UNC5D: variants seen among roughly 807,000 people sequenced by gnomAD.
UNC5D encodes unc-5 netrin receptor D, also known as netrin receptor UNC5D.
UNC5D carries 39 observed loss-of-function variants against 105.4 expected under a neutral mutation model. The observed-to-expected ratio is 0.37, with a 90% CI of 0.29 to 0.48. The LOEUF is 0.48. UNC5D is among the 20% of genes least tolerant of loss of function. The pLI is 0.98. For synonymous variants in UNC5D, 452 were observed against 450.4 expected (o/e 1.00, Z -0.04); for missense variants, 991 against 1,202.4 (o/e 0.82, Z 2.60).
intron 1 of UNC5D, among the ~76,000 whole-genome samples, chr8:35,422,740 G>T (rs2128967541): frequency 6.6e-6 from 1 of 152,310 alleles, no homozygotes. Context: ...CTATGTGCCA[G>T]GTAGTAGGGA....
intron 3 of UNC5D, among the ~76,000 whole-genome samples, chr8:35,574,315 T>A (rs1817949974): frequency 6.6e-6 from 1 of 152,202 alleles, no homozygotes; most frequent in Non-Finnish European, 1.5e-5. Flanking sequence ...TAGTCAAGCC[T>A]GTTATAGCAA....
intron 4 of UNC5D, among the ~76,000 whole-genome samples, chr8:35,613,605 C>T (rs1174002499): frequency 6.6e-6 from 1 of 152,108 alleles, no homozygotes; most frequent in Non-Finnish European, 1.5e-5. Flanking sequence ...CGCCTGTAAT[C>T]CCAGCACTTT....
intron 4 of UNC5D, among the ~76,000 whole-genome samples, chr8:35,662,540 G>A (rs933335702): frequency 3.3e-5 from 5 of 152,140 alleles, no homozygotes; most frequent in Admixed American, 2.6e-4. Context: ...GGAAAGGGTC[G>A]TACAGTTCCA....
chr8:35,268,975 G>T (rs532696530), intron 1 of UNC5D, among the ~76,000 whole-genome samples: 1 of 152,202 alleles, frequency 6.6e-6, no homozygotes. Flanking sequence ...GATGAACCAC[G>T]AATTCATGAA....
rs562538550 is a variant in UNC5D, at chr8:35,623,928, A to G, written c.570+28271A>G. Among the ~76,000 whole-genome samples, 19 of 152,168 alleles carry G rather than the reference A, an allele frequency of 1.2e-4. No homozygotes were observed. In the South Asian group the frequency reaches 3.7e-3, roughly 30 times the overall value. On this transcript the variant is annotated intron_variant, in intron 4 of 16. Transcript: ENST00000404895. ...ACCCCGTCTCTACTAAAGATACAAAAAATTAGCCGGACGTGGTGGTGGGCG... is the reference window on the plus strand; with the variant it reads ...ACCCCGTCTCTACTAAAGATACAAAGAATTAGCCGGACGTGGTGGTGGGCG...
intron 1 of UNC5D, among the ~76,000 whole-genome samples, chr8:35,375,302 TA>T (rs1484764734): frequency 2.0e-5 from 3 of 152,170 alleles, no homozygotes; most frequent in Non-Finnish European, 4.4e-5. Context: ...CCAAGATAAT[TA>T]GCATGAGTCA....
chr8:35,426,253 A>G (rs932630055), intron 1 of UNC5D, among the ~76,000 whole-genome samples: 3 of 152,190 alleles, frequency 2.0e-5, no homozygotes, highest in African/African-American at 7.2e-5. Flanking sequence ...TTCCTCATAA[A>G]ACATGGTTCT....
In UNC5D at chr8:35,726,299, A is replaced by G. The variant is rs1348826719; in HGVS notation, c.1451A>G (p.Lys484Arg). The change falls in exon 10 of 17, where the codon AAA becomes AGA. Residue 484 changes from lysine (K) to arginine (R), a missense_variant. Lys to Arg is a conservative substitution (Grantham distance 26). Transcript: ENST00000404895. ...LFNPLSDIKV[K>R]VQSSFMVSLG... ...AACCCTTTGTCGGACATCAAAGTGA[A>G]AGTCCAGAGCTCGTTCATGGTTTCC... 6.2e-7 allele frequency: 1 copy of G among 1,614,088 alleles called. No individual in the cohort carries two copies. The highest frequency in any genetic ancestry group is 1.1e-5 in the South Asian group (1 of 91,074).
intron 2 of UNC5D, among the ~76,000 whole-genome samples, chr8:35,557,974 A>G (rs1004022437): frequency 6.6e-6 from 1 of 152,056 alleles, no homozygotes; most frequent in African/African-American, 2.4e-5. Context: ...TCTACCAAAT[A>G]TACAAAAAGT....
At chr8:35,636,097 T>C (rs1435075924) in intron 4 of UNC5D, among the ~76,000 whole-genome samples, 1 of 152,186 alleles carries the variant, frequency 6.6e-6, no homozygotes, top group African/African-American at 2.4e-5. Context: ...TCATTAAGAG[T>C]TCTGATTATC....
At chr8:35,249,123 A>G (rs1411745163) in intron 1 of UNC5D, among the ~76,000 whole-genome samples, 1 of 132,262 alleles carries the variant, frequency 7.6e-6, no homozygotes, top group African/African-American at 2.8e-5. Flanking sequence ...TTATATATAT[A>G]AAATTATATA....
intron 3 of UNC5D, among the ~76,000 whole-genome samples, chr8:35,569,470 G>A (rs1817580934): frequency 6.6e-6 from 1 of 152,196 alleles, no homozygotes; most frequent in Admixed American, 6.5e-5. Flanking sequence ...ATGTTCCCAG[G>A]GGGAATGAAA....
chr8:35,506,884 G>C (rs940941813), intron 1 of UNC5D, among the ~76,000 whole-genome samples: 3 of 152,140 alleles, frequency 2.0e-5, no homozygotes, highest in African/African-American at 7.2e-5. Flanking sequence ...AAAAGGGCAA[G>C]AGGGCTGTCA....
intron 1 of UNC5D, among the ~76,000 whole-genome samples, chr8:35,371,655 GA>G (rs1279423811): frequency 6.6e-6 from 1 of 152,078 alleles, no homozygotes; most frequent in African/African-American, 2.4e-5. Flanking sequence ...CAAGACTTCA[GA>G]AGACTCACAG....
intron 1 of UNC5D, among the ~76,000 whole-genome samples, chr8:35,442,871 CTCTCTCTCTCTGTT>C (rs1374526511): frequency 1.1e-4 from 16 of 146,404 alleles, no homozygotes; most frequent in Non-Finnish European, 1.8e-4. Context: ...CTCTCTCTCT[CTCTCTCTCTCTGTT>C]TCTCTCTCTC....
intron 1 of UNC5D, among the ~76,000 whole-genome samples, chr8:35,401,483 CA>C (rs1804461078): frequency 6.6e-6 from 1 of 152,122 alleles, no homozygotes; most frequent in South Asian, 2.1e-4. Context: ...GACTCCATCT[CA>C]AAAAGGGAAG....
At chr8:35,561,828 C>T (rs1398876117) in intron 2 of UNC5D, among the ~76,000 whole-genome samples, 1 of 151,962 alleles carries the variant, frequency 6.6e-6, no homozygotes, top group Non-Finnish European at 1.5e-5. Flanking sequence ...GGCTAATAAT[C>T]AAATAAGGAT....
intron 1 of UNC5D, among the ~76,000 whole-genome samples, chr8:35,347,830 TG>T (rs1811915335): frequency 6.6e-6 from 1 of 152,032 alleles, no homozygotes; most frequent in Admixed American, 6.6e-5. Flanking sequence ...AAATATCACT[TG>T]AAATTTATGC....
At chr8:35,503,366 G>A (rs1019402760) in intron 1 of UNC5D, among the ~76,000 whole-genome samples, 3 of 152,112 alleles carry the variant, frequency 2.0e-5, no homozygotes, top group South Asian at 2.1e-4. Flanking sequence ...TGAGAGCCGC[G>A]TCAAAGGGAA....
Sources: allele counts gnomAD v4.1 joint callset (sites outside exome capture counted in the v4.1 genomes callset), GRCh38; gene constraint gnomAD v4.1.1; transcripts MANE v1.5; gene names NCBI Gene and HGNC (gene_info 2026-07-23, HGNC 2026-07-21).